RHCG: variants seen among roughly 807,000 people sequenced by gnomAD.
The protein encoded by RHCG is Rh family C glycoprotein, also known as ammonium transporter Rh type C.
Under a neutral mutation model 55.3 loss-of-function variants are expected in RHCG, and 39 were observed. The observed-to-expected ratio is 0.70, with a 90% CI of 0.55 to 0.92. The LOEUF (loss-of-function observed/expected upper bound fraction) is 0.92. Ranked by LOEUF, RHCG falls within the 40% of genes least tolerant of loss-of-function variation. The probability of loss-of-function intolerance (pLI) is 0.00; values close to 1 mark genes in which losing one functional copy is unlikely to be tolerated. For missense variants in RHCG, 635 were observed against 627.9 expected, an observed-to-expected ratio of 1.01 and a Z score of -0.12; for synonymous variants, 250 against 246.8, an observed-to-expected ratio of 1.01 and a Z score of -0.12.
chr15:89,476,935 C>A lies in RHCG; in HGVS notation c.1238-107G>T, dbSNP rs1961161502. The A allele has an allele frequency of 5.2e-6, 8 of 1,537,878 alleles. No individual in the cohort carries two copies. In the African/African-American group the frequency reaches 5.4e-5, roughly 10 times the overall value. On this transcript the variant is annotated intron_variant, in intron 8 of 10. Transcript: ENST00000268122. ...CCTCCTGGGGCCCTTGGGCTGAGTT[C>A]CAAATTGTCCCAGTCCTGTAGCCAG...
chr15:89,480,744 G>T (rs1961251920), intron 3 of RHCG, among the ~76,000 whole-genome samples: 1 of 152,186 alleles, frequency 6.6e-6, no homozygotes, highest in Admixed American at 6.5e-5. Context: ...GTCACCCACT[G>T]GTTTCCACCT....
chr15:89,472,731 G>C lies in RHCG; in HGVS notation c.*4C>G. 6.2e-7 allele frequency: 1 copy of C among 1,608,952 alleles called. No individual in the cohort carries two copies. The highest frequency in any genetic ancestry group is 8.5e-7 in the Non-Finnish European group (1 of 1,177,730). ...CTCACCTGCTCCTCACCTGCCCTGG[G>C]AGCCTAGGGTACCAAGGGTACCGAG... On this transcript the variant is annotated 3_prime_UTR_variant, in exon 10 of 11. Transcript: ENST00000268122.
intron 1 of RHCG, among the ~76,000 whole-genome samples, chr15:89,494,915 C>G (rs982133158): frequency 6.6e-6 from 1 of 151,928 alleles, no homozygotes; most frequent in Non-Finnish European, 1.5e-5. Flanking sequence ...GAAGCAAGTG[C>G]GGGAGGGAGG....
chr15:89,481,620 G>C (rs902823663), intron 3 of RHCG, among the ~76,000 whole-genome samples: 1 of 152,130 alleles, frequency 6.6e-6, no homozygotes, highest in Non-Finnish European at 1.5e-5. Flanking sequence ...AAGATGGGGA[G>C]AGAGTAGACA....
intron 1 of RHCG, among the ~76,000 whole-genome samples, chr15:89,494,397 C>A (rs1402343549): frequency 6.6e-6 from 1 of 152,122 alleles, no homozygotes; most frequent in Non-Finnish European, 1.5e-5. Context: ...TGGGTCCCAG[C>A]AAATTACTAC....
Position 89,496,583 on chromosome 15 carries a change from C to G in RHCG, c.-39G>C, listed in dbSNP as rs1404865894. On this transcript the variant is annotated 5_prime_UTR_variant, in exon 1 of 11. Transcript: ENST00000268122. ...CTGGCCGGGCTGGCAGCGGGCGGTT[C>G]GGACGCTCGGAGGCCGGCGGGGCTT... is the stretch of plus-strand genomic sequence containing the variant. The G allele has an allele frequency of 6.3e-7, 1 of 1,585,084 alleles. No homozygotes were observed. The highest frequency in any genetic ancestry group is 1.1e-5 in the South Asian group (1 of 89,604).
intron 5 of RHCG, among the ~76,000 whole-genome samples, chr15:89,478,633 TG>T (rs1372208429): frequency 1.3e-5 from 2 of 152,174 alleles, no homozygotes; most frequent in African/African-American, 2.4e-5. Flanking sequence ...TGTCCCTTCC[TG>T]CAGGTGGGTG....
intron 5 of RHCG, 37 bp from the exon 6 acceptor site, chr15:89,478,011 C>G (rs1252571503): frequency 6.4e-7 from 1 of 1,573,354 alleles, no homozygotes; most frequent in South Asian, 1.2e-5. Context: ...GAACTCAGTC[C>G]TCTCCCTGGA....
At chr15:89,475,601 G>C (rs182626945) in intron 9 of RHCG, among the ~76,000 whole-genome samples, 1 of 152,114 alleles carries the variant, frequency 6.6e-6, no homozygotes, top group Non-Finnish European at 1.5e-5. Context: ...GCAGAGTCCC[G>C]GTCCCTACTG....
rs761076366 is a variant in RHCG at position 89,476,790 on chromosome 15, C to T, written c.1276G>A (p.Asp426Asn). 1.9e-6 allele frequency: 3 copies of T among 1,614,070 alleles called. No homozygotes were observed. The highest frequency in any genetic ancestry group is 2.7e-5 in the African/African-American group (2 of 74,934). ...ACCGCATCCTCAAAGCAGTTCTCAT[C>T]TGAAGGTTGTCCCCAGAATGGTAAT... ...LRLPFWGQPS[D>N]ENCFEDAVYW... The change falls in exon 9 of 11, where the codon GAT becomes AAT. Residue 426 changes from aspartate to asparagine, a missense_variant. Coordinates refer to ENST00000268122, the MANE Select transcript of RHCG (RefSeq NM_016321.3).
At chr15:89,479,293 A>G in intron 5 of RHCG, 29 bp downstream of exon 5, 1 of 1,598,574 alleles carries the variant, frequency 6.3e-7, no homozygotes, top group Non-Finnish European at 8.5e-7. Context: ...AGGCAGTCAG[A>G]GCCACACCCC....
rs747459482 is a variant in RHCG at position 89,480,244 on chromosome 15, A to T, written c.670+17T>A. 1.2e-6 allele frequency: 2 copies of T among 1,613,708 alleles called. No homozygotes were observed. Among genetic ancestry groups the T allele is most frequent in the Non-Finnish European group, 1.7e-6 (2 of 1,179,832 alleles). ...TCACCCATCATGGTGGCCCTCGGTCATGATGGCAGTTCTCACCAATCATGG... is the reference window on the plus strand; with the variant it reads ...TCACCCATCATGGTGGCCCTCGGTCTTGATGGCAGTTCTCACCAATCATGG... On this transcript the variant is annotated intron_variant, in intron 4 of 10. Coordinates refer to ENST00000268122, the MANE Select transcript of RHCG (RefSeq NM_016321.3).
intron 1 of RHCG, among the ~76,000 whole-genome samples, chr15:89,487,317 AG>A (rs1337723984): frequency 1.3e-5 from 2 of 152,164 alleles, no homozygotes; most frequent in South Asian, 2.1e-4. Context: ...CCTCCTTGAG[AG>A]ATGGCAGCTC....
Position 89,477,697 on chromosome 15 carries a change from A to T in RHCG, c.976-44T>A, listed in dbSNP as rs1280599626. On this transcript the variant is annotated intron_variant, in intron 6 of 10. Transcript: ENST00000268122. This position sits in a 1 kb window ranked among gnomAD's most constrained non-coding sequence, Gnocchi z 4.5. The stretch of plus-strand genomic sequence containing the variant: ...TGCTGCTCAGGCCGGGGGCTGCATC[A>T]AGGGTGTGGGGAGGCCGGGATTCCA... 4.3e-6 allele frequency: 7 copies of T among 1,610,800 alleles called. No individual in the cohort carries two copies. The highest frequency in any genetic ancestry group is 5.9e-6 in the Non-Finnish European group (7 of 1,177,594).
At position 89,476,744 on chromosome 15, in the gene RHCG, C is replaced by T. The variant is rs775099335; in HGVS notation, c.1311+11G>A. On this transcript the variant is annotated intron_variant, in intron 9 of 10. Coordinates refer to ENST00000268122, the MANE Select transcript of RHCG (RefSeq NM_016321.3). ...TGCCCTCCTTCAGGGGGCCAAGTCCCTGGAACTCACCTCCCAGTAGACCGC... is the reference window on the plus strand; with the variant it reads ...TGCCCTCCTTCAGGGGGCCAAGTCCTTGGAACTCACCTCCCAGTAGACCGC... 2 of 1,613,398 alleles carry T rather than the reference C, an allele frequency of 1.2e-6. No individual in the cohort carries two copies. Among genetic ancestry groups the T allele is most frequent in the Non-Finnish European group, 1.7e-6 (2 of 1,179,352 alleles).
At chr15:89,475,848 T>C (rs1038810296) in intron 9 of RHCG, among the ~76,000 whole-genome samples, 1 of 152,220 alleles carries the variant, frequency 6.6e-6, no homozygotes, top group Non-Finnish European at 1.5e-5. Flanking sequence ...AGTGTGCATC[T>C]TAGCGCGAAA....
At chr15:89,476,942 G>T in intron 8 of RHCG, 114 bp from the exon 9 acceptor site, 1 of 1,537,720 alleles carries the variant, frequency 6.5e-7, no homozygotes, top group Non-Finnish European at 9.0e-7. Flanking sequence ...GTTCCAAATT[G>T]TCCCAGTCCT....
At chr15:89,473,741 C>T (rs910422472) in intron 9 of RHCG, among the ~76,000 whole-genome samples, 1 of 152,118 alleles carries the variant, frequency 6.6e-6, no homozygotes, top group African/African-American at 2.4e-5. Context: ...TATGCAAATA[C>T]TATGCCATTT....
chr15:89,490,534 C>A (rs548116742), intron 1 of RHCG, among the ~76,000 whole-genome samples: 1 of 152,300 alleles, frequency 6.6e-6, no homozygotes, highest in South Asian at 2.1e-4. Context: ...AGAAATTGAG[C>A]TGATGTATGT....
Sources: gnomAD v4.1 joint callset for allele counts (sites outside exome capture counted in the v4.1 genomes callset) on GRCh38, gnomAD v4.1.1 for gene constraint, Gnocchi (gnomAD v3.1) non-coding constraint, MANE v1.5 for transcripts, NCBI Gene and HGNC (gene_info 2026-07-23, HGNC 2026-07-21) for gene names.